SLC43A2: variants seen among roughly 807,000 people sequenced by gnomAD.
SLC43A2 encodes large neutral amino acids transporter small subunit 4.
SLC43A2 carries 38 observed loss-of-function variants against 63.2 expected under a neutral mutation model. That is an observed-to-expected ratio of 0.60 (90% confidence interval 0.46 to 0.79). The LOEUF (loss-of-function observed/expected upper bound fraction) is 0.79, where lower values mean the gene tolerates loss of function less well. SLC43A2 is among the 30% of genes least tolerant of loss of function. SLC43A2 has a pLI of 0.00. For missense variants in SLC43A2, 644 were observed against 756.2 expected, an observed-to-expected ratio of 0.85 and a Z score of 1.74; for synonymous variants, 322 against 331.0, an observed-to-expected ratio of 0.97 and a Z score of 0.30.
chr17:1,597,495 A>G (rs563620794), intron 5 of SLC43A2, among the ~76,000 whole-genome samples: 7 of 110,352 alleles, frequency 6.3e-5, no homozygotes, highest in African/African-American at 3.5e-4. Context: ...ACAGAGCAAG[A>G]CTCAAAAAAA....
At chr17:1,599,217 G>A (rs182758500) in intron 5 of SLC43A2, among the ~76,000 whole-genome samples, 107 of 152,096 alleles carry the variant, frequency 7.0e-4, no homozygotes, top group Admixed American at 1.1e-3. Context: ...GCGTGCACCT[G>A]TAGTCCCAGG....
chr17:1,616,246 A>C (rs568156274), intron 3 of SLC43A2: 1 of 343,706 alleles, frequency 2.9e-6, no homozygotes, highest in East Asian at 5.2e-5. Flanking sequence ...AGCATGTCTC[A>C]CACATGCGAG....
At chr17:1,582,938 G>A (rs1435347234) in intron 11 of SLC43A2, among the ~76,000 whole-genome samples, 2 of 152,146 alleles carry the variant, frequency 1.3e-5, no homozygotes, top group Non-Finnish European at 2.9e-5. Context: ...AATTAGCTGG[G>A]CGTGATGGTG....
intron 6 of SLC43A2, among the ~76,000 whole-genome samples, chr17:1,592,631 G>A (rs1180953212): frequency 1.3e-5 from 2 of 152,174 alleles, no homozygotes; most frequent in African/African-American, 4.8e-5. Flanking sequence ...TTTACTTAGT[G>A]TGAGGGTCAG....
chr17:1,626,284 A>G (rs1908660939), intron 2 of SLC43A2, among the ~76,000 whole-genome samples: 1 of 151,476 alleles, frequency 6.6e-6, no homozygotes, highest in African/African-American at 2.4e-5. Context: ...AGGAAGAAGT[A>G]AACACTCCAA....
At chr17:1,585,863 T>G (rs1359424147) in intron 10 of SLC43A2, 50 bp downstream of exon 10, 1 of 1,612,086 alleles carries the variant, frequency 6.2e-7, no homozygotes, top group Admixed American at 1.7e-5. Context: ...CTGGGGTCTT[T>G]CTGCAGGGGC....
intron 10 of SLC43A2, among the ~76,000 whole-genome samples, chr17:1,584,084 A>G (rs142659750): frequency 2.3e-3 from 350 of 152,094 alleles, no homozygotes; most frequent in East Asian, 5.2e-3. Flanking sequence ...TTGTAGAGAC[A>G]GGGTTTCACC....
chr17:1,580,094 T>A (rs2151029998), intron 11 of SLC43A2, among the ~76,000 whole-genome samples: 1 of 152,182 alleles, frequency 6.6e-6, no homozygotes, highest in South Asian at 2.1e-4. Context: ...GCCCGGCTAA[T>A]TTTTGTATTT....
Position 1,585,141 on chromosome 17 carries a change from G to T in SLC43A2, c.1217+772C>A, listed in dbSNP as rs1161919350. 4.1e-6 allele frequency: 4 copies of T among 987,630 alleles called. No individual in the cohort carries two copies. The Admixed American group carries it at 1.8e-4, about 44-fold the overall frequency. The allele number at this position is 987,630 out of a possible 1,614,324, so 61.2% of individuals were successfully genotyped here. A position where few individuals can be genotyped will look rare whatever the true frequency, so the allele number is the denominator to read the frequency against. On this transcript the variant is annotated intron_variant, in intron 10 of 13. Transcript: ENST00000301335. The stretch of plus-strand genomic sequence containing the variant: ...TAAGATGGTGTAGCCACTGCCAAGG[G>T]GTGGAGGGAGGGTGGTCTTAGGAGC...
chr17:1,592,851 TGGGGAGCA>T (rs1413843500), intron 6 of SLC43A2, among the ~76,000 whole-genome samples: 1 of 151,956 alleles, frequency 6.6e-6, no homozygotes, highest in Admixed American at 6.6e-5. Flanking sequence ...GGCTGGGGGT[TGGGGAGCA>T]GGGGAGCAGC....
At chr17:1,621,520 G>A (rs947360172) in intron 2 of SLC43A2, among the ~76,000 whole-genome samples, 1 of 152,232 alleles carries the variant, frequency 6.6e-6, no homozygotes, top group African/African-American at 2.4e-5. Flanking sequence ...GGTCGGCTCA[G>A]ACACAGAGCA....
At chr17:1,591,781 C>G in intron 6 of SLC43A2, 82 bp from the exon 7 acceptor site, 1 of 1,077,234 alleles carries the variant, frequency 9.3e-7, no homozygotes, top group Non-Finnish European at 1.4e-6. Flanking sequence ...CAGGCAGGGG[C>G]GTCTGGCCAC....
At chr17:1,629,507 G>A (rs1321129677), upstream of SLC43A2, among the ~76,000 whole-genome samples, 2 of 152,236 alleles carry the variant, frequency 1.3e-5, no homozygotes, top group African/African-American at 4.8e-5. Flanking sequence ...CGTCTGCCCG[G>A]TCCCTGGAAG....
intron 5 of SLC43A2, among the ~76,000 whole-genome samples, chr17:1,612,849 A>G (rs1265086007): frequency 1.3e-5 from 2 of 152,148 alleles, no homozygotes; most frequent in African/African-American, 4.8e-5. Flanking sequence ...GCGCACGCCC[A>G]TAGTCCCAGC....
In SLC43A2 at chr17:1,591,249, C is replaced by A. The variant is rs1904744405; in HGVS notation, c.931+20G>T. ...AGAGCACTCCCTGCCCGTCGCCCGG[C>A]TGCGGTCTCAGGCGGGTACCTGCGG... On this transcript the variant is annotated intron_variant, in intron 8 of 13. Transcript: ENST00000301335. The A allele has an allele frequency of 6.3e-7, 1 of 1,599,588 alleles. No individual in the cohort carries two copies. Among genetic ancestry groups the A allele is most frequent in the African/African-American group, 1.3e-5 (1 of 74,900 alleles).
intron 9 of SLC43A2, chr17:1,586,928 T>TCCCCCCCCCCCCCCCCCTCCCCCTGGCCC: frequency 8.1e-7 from 1 of 1,232,916 alleles, no homozygotes; most frequent in Non-Finnish European, 1.1e-6. Flanking sequence ...TCCCTGACAA[T>TCCCCCCCCCCCCCCCCCTCCCCCTGGCCC]CCCCCCCACC....
chr17:1,616,637 A>C lies in SLC43A2; in HGVS notation c.293T>G (p.Leu98Arg), dbSNP rs1306353636. Residue 98 changes from leucine to arginine, a missense_variant, in exon 3 of 14, where the codon CTG becomes CGG. Physicochemically the swap from Leu to Arg is moderately radical, Grantham distance 102. Transcript: ENST00000301335. Reference protein sequence around the residue: ...LNLAFTVGSFLLSAITLPLGI... With the variant: ...LNLAFTVGSFRLSAITLPLGI... ...CAGGGGCAGGGTGATGGCACTGAGC[A>C]GAAAGGAGCCCACAGTGAAGGCCAA... is the stretch of plus-strand genomic sequence containing the variant. The C allele has an allele frequency of 6.2e-7, 1 of 1,614,182 alleles. No individual in the cohort carries two copies. The highest frequency in any genetic ancestry group is 1.1e-5 in the South Asian group (1 of 91,088).
intron 9 of SLC43A2, among the ~76,000 whole-genome samples, chr17:1,587,873 G>T (rs541908771): frequency 6.6e-6 from 1 of 152,208 alleles, no homozygotes; most frequent in Non-Finnish European, 1.5e-5. Flanking sequence ...GGGGGCACCC[G>T]ACCCATCTGG....
At position 1,583,207 on chromosome 17, in the gene SLC43A2, G is replaced by A. The variant is rs1489866714; in HGVS notation, c.1347C>T (p.Leu449=). 4 of 1,613,950 alleles carry A rather than the reference G, an allele frequency of 2.5e-6. No homozygotes were observed. Among genetic ancestry groups the A allele is most frequent in the Non-Finnish European group, 2.5e-6 (3 of 1,179,908 alleles). Residue 449 remains leucine (L), a synonymous_variant, in exon 11 of 14, where the codon CTC becomes CTT. Transcript: ENST00000301335. This position sits in a 1 kb window ranked among gnomAD's most constrained non-coding sequence, Gnocchi z 5.5. ...CCCTCCCACTCCCCACACCCACCTG[G>A]AGAGGCAGGTTGGGAATGAGGCAGG... ...GVTCLIPNLP[L]QILSFILHTI...
Sources: allele counts gnomAD v4.1 joint callset (sites outside exome capture counted in the v4.1 genomes callset), GRCh38; gene constraint gnomAD v4.1.1; non-coding constraint Gnocchi (gnomAD v3.1); transcripts MANE v1.5; gene names NCBI Gene and HGNC (gene_info 2026-07-23, HGNC 2026-07-21).